SCUBE2: variants seen among roughly 807,000 people sequenced by gnomAD.
The protein encoded by SCUBE2 is signal peptide, CUB domain and EGF like domain containing 2.
SCUBE2 carries 114 observed loss-of-function variants against 125.9 expected under a neutral mutation model. That is an observed-to-expected ratio of 0.91 (90% CI 0.78 to 1.06). The LOEUF (loss-of-function observed/expected upper bound fraction) is 1.06, where lower values mean the gene tolerates loss of function less well. Ranked by LOEUF, SCUBE2 falls within the 50% of genes least tolerant of loss-of-function variation. The pLI is 0.00. For missense variants in SCUBE2, 1,255 were observed against 1,301.8 expected (o/e 0.96, Z 0.55); for synonymous variants, 459 against 492.9 (o/e 0.93, Z 0.91).
rs1415254013 is a variant in SCUBE2, at chr11:9,050,628, C to A, written c.1617G>T (p.Glu539Asp). Residue 539 changes from glutamate to aspartate, a missense_variant, in exon 14 of 23, where the codon GAG (glutamate) becomes GAT (aspartate). Around this residue, in one of 3 missense-constraint regions of SCUBE2, gnomAD observed 378 missense variants for 463.1 expected, o/e 0.82. Coordinates refer to ENST00000649792, the MANE Select transcript of SCUBE2 (RefSeq NM_001367977.2). Reference protein sequence around the residue: ...CSLKNAELFPEGLRPALPEKH... With the variant: ...CSLKNAELFPDGLRPALPEKH... ...TACCTGGTAGTGCTGGTCGCAGACC[C>A]TCGGGAAACAGCTCAGCATTTTTCA... 6.2e-7 allele frequency: 1 copy of A among 1,614,128 alleles called. No individual in the cohort carries two copies. The highest frequency in any genetic ancestry group is 2.2e-5 in the East Asian group (1 of 44,882).
intron 5 of SCUBE2, 48 bp downstream of exon 5, chr11:9,069,322 G>A (rs374829919): frequency 2.6e-5 from 42 of 1,606,106 alleles, no homozygotes; most frequent in Non-Finnish European, 3.4e-5. Flanking sequence ...AAGGCAGCCT[G>A]TGGAATACGA....
chr11:9,053,904 G>T, intron 10 of SCUBE2, 145 bp from the exon 11 acceptor site: 1 of 942,536 alleles, frequency 1.1e-6, no homozygotes, highest in Non-Finnish European at 1.5e-6. Flanking sequence ...TAGCATGAGC[G>T]CTCGGCACCA....
chr11:9,076,689 T>A (rs1389491371), intron 3 of SCUBE2, among the ~76,000 whole-genome samples: 3 of 152,154 alleles, frequency 2.0e-5, no homozygotes, highest in Non-Finnish European at 4.4e-5. Context: ...TCCATAATAA[T>A]CATAATAATA....
intron 16 of SCUBE2, among the ~76,000 whole-genome samples, chr11:9,041,368 G>A (rs745905916): frequency 2.0e-5 from 3 of 152,180 alleles, no homozygotes; most frequent in Non-Finnish European, 2.9e-5. Context: ...CTATGGCACT[G>A]GGTAAGGTCA....
chr11:9,049,604 G>A (rs1858145290), intron 14 of SCUBE2, among the ~76,000 whole-genome samples: 1 of 151,992 alleles, frequency 6.6e-6, no homozygotes, highest in Admixed American at 6.6e-5. Flanking sequence ...AAGTATAAAT[G>A]CTCACTATGG....
intron 11 of SCUBE2, 65 bp downstream of exon 11, chr11:9,053,572 G>C: frequency 6.3e-7 from 1 of 1,589,644 alleles, no homozygotes; most frequent in Non-Finnish European, 8.6e-7. Flanking sequence ...GGAGCACGCA[G>C]AGCTGCACTG....
chr11:9,059,049 T>A (rs904658829), intron 9 of SCUBE2, among the ~76,000 whole-genome samples: 28 of 152,248 alleles, frequency 1.8e-4, no homozygotes, highest in African/African-American at 4.8e-4. Flanking sequence ...AGCAGTGAGC[T>A]CTGCTGTCAT....
At chr11:9,051,568 G>T (rs1044916715) in intron 13 of SCUBE2, among the ~76,000 whole-genome samples, 6 of 152,134 alleles carry the variant, frequency 3.9e-5, no homozygotes, top group African/African-American at 1.2e-4. Context: ...CTCCTCCCAG[G>T]GTCAGTCAGT....
intron 15 of SCUBE2, 70 bp downstream of exon 15, chr11:9,047,873 A>C: frequency 6.6e-7 from 1 of 1,507,456 alleles, no homozygotes; most frequent in Non-Finnish European, 8.9e-7. Flanking sequence ...AGAATAATAA[A>C]AAGTGAAAGG....
chr11:9,054,725 A>ATATATATATATTTTTT (rs1368153935), intron 10 of SCUBE2, among the ~76,000 whole-genome samples: 3 of 22,346 alleles, frequency 1.3e-4, no homozygotes, highest in African/African-American at 6.4e-4. Flanking sequence ...ATATATATAT[A>ATATATATATATTTTTT]TTTTTTTTTT....
intron 19 of SCUBE2, among the ~76,000 whole-genome samples, chr11:9,029,521 G>A (rs1282211409): frequency 6.6e-6 from 1 of 152,346 alleles, no homozygotes; most frequent in Non-Finnish European, 1.5e-5. Flanking sequence ...CAGGTTCAGC[G>A]ATGCCGACTC....
chr11:9,027,077 A>T, intron 20 of SCUBE2: 1 of 443,912 alleles, frequency 2.3e-6, no homozygotes, highest in South Asian at 2.4e-5. Flanking sequence ...ACACTGCATG[A>T]TCCTCACTGG....
Position 9,073,852 on chromosome 11 carries a change from T to C in SCUBE2, c.517+629A>G, listed in dbSNP as rs1482647944. ...AGTAACAGAGGAATGAAAAAAGGTA[T>C]AAACTCAAAGCAAAGAGAATGAAGA... On this transcript the variant is annotated intron_variant, in intron 4 of 22. Coordinates refer to ENST00000649792, the MANE Select transcript of SCUBE2 (RefSeq NM_001367977.2). Among the ~76,000 whole-genome samples the C allele has an allele frequency of 3.9e-5, 6 of 152,126 alleles. No individual in the cohort carries two copies. In the East Asian group the frequency reaches 1.2e-3, roughly 29 times the overall value.
chr11:9,021,204 A>C lies in SCUBE2; in HGVS notation c.2935-7T>G. ...CCTTGATAAGTTTCTTATCCTAAAA[A>C]GAACAGAATTTTTGTTACTGGGCCA... On this transcript the variant is annotated splice_polypyrimidine_tract_variant and splice_region_variant and intron_variant, in intron 22 of 22. Transcript: ENST00000649792. 6.5e-7 allele frequency: 1 copy of C among 1,548,772 alleles called. No individual in the cohort carries two copies.
chr11:9,069,400 C>G lies in SCUBE2; in HGVS notation c.613G>C (p.Glu205Gln), dbSNP rs752350912. ...SVACECRPGF[E>Q]LAKNQRDCIL... is the part of the protein sequence containing the mutation. ...CAGTCTCTCTGGTTCTTGGCCAGCT[C>G]AAAACCAGGCCTGCACTCACAGGCG... Residue 205 changes from glutamate to glutamine, a missense_variant, in exon 5 of 23, where the codon GAG becomes CAG. By Grantham distance (29) the Glu-to-Gln change is conservative. Transcript: ENST00000649792. 9 of 1,614,108 alleles carry G rather than the reference C, an allele frequency of 5.6e-6. No homozygotes were observed. The highest frequency in any genetic ancestry group is 6.8e-6 in the Non-Finnish European group (8 of 1,180,046).
chr11:9,034,555 T>TA (rs1856595047), intron 16 of SCUBE2, among the ~76,000 whole-genome samples: 2 of 152,022 alleles, frequency 1.3e-5, no homozygotes, highest in African/African-American at 4.8e-5. Context: ...ACCCCTTCTC[T>TA]AAAAAAGAAG....
In SCUBE2 at chr11:9,053,098, C is replaced by T. The variant is rs1462226024; in HGVS notation, c.1447+1G>A. On this transcript the variant is annotated splice_donor_variant, in intron 12 of 22. Transcript: ENST00000649792. LOFTEE classifies it high-confidence loss of function. ...TGCCCCGGGAACTGGGCCCCACTCA[C>T]CTGAAGAGAGGTGAATGCCAGAGTG... 4 of 1,613,680 alleles carry T rather than the reference C, an allele frequency of 2.5e-6. No individual in the cohort carries two copies. The highest frequency in any genetic ancestry group is 1.7e-5 in the Admixed American group (1 of 60,022).
At position 9,074,507 on chromosome 11, in the gene SCUBE2, T is replaced by C; in HGVS notation, c.491A>G (p.Gln164Arg). 1.9e-6 allele frequency: 3 copies of C among 1,614,186 alleles called. No individual in the cohort carries two copies. Among genetic ancestry groups the C allele is most frequent in the Non-Finnish European group, 2.5e-6 (3 of 1,180,030 alleles). The part of the protein sequence containing the change: ...CKEGFFLSDN[Q>R]HTCIHRSEEG... Reference sequence around the variant, plus strand: ...TTCCGAGCGGTGAATGCAGGTGTGCTGATTGTCACTCAGGAAAAACCCCTC... The same window carrying C: ...TTCCGAGCGGTGAATGCAGGTGTGCCGATTGTCACTCAGGAAAAACCCCTC... Residue 164 changes from glutamine (Q) to arginine (R), a missense_variant, in exon 4 of 23, where the codon CAG becomes CGG. This residue lies in a region of SCUBE2 where 362 missense variants were observed against 323.0 expected (regional missense o/e 1.12). Coordinates refer to ENST00000649792, the MANE Select transcript of SCUBE2 (RefSeq NM_001367977.2).
intron 13 of SCUBE2, 143 bp downstream of exon 13, chr11:9,052,603 G>C: frequency 3.3e-6 from 2 of 602,310 alleles, no homozygotes; most frequent in South Asian, 3.9e-5. Context: ...AGGACTGCAG[G>C]CAACAACACC....
Sources: gnomAD v4.1 joint callset for allele counts (sites outside exome capture counted in the v4.1 genomes callset) on GRCh38, gnomAD v4.1.1 for gene constraint, gnomAD v4.1.1 regional missense constraint, MANE v1.5 for transcripts, NCBI Gene and HGNC (gene_info 2026-07-23, HGNC 2026-07-21) for gene names.